The following RALGAPA2 variants were observed in gnomAD, a reference collection of about 807,000 sequenced individuals.
RALGAPA2 encodes ral GTPase-activating protein subunit alpha-2.
A neutral mutation model predicts 230.4 loss-of-function variants in RALGAPA2; 139 were observed. The observed-to-expected ratio is 0.60, with a 90% CI of 0.53 to 0.69. The LOEUF (loss-of-function observed/expected upper bound fraction) is 0.69, where lower values mean the gene tolerates loss of function less well. Ranked by LOEUF, RALGAPA2 falls within the 30% of genes least tolerant of loss-of-function variation. RALGAPA2 has a pLI of 0.00. For missense variants in RALGAPA2, 2,163 were observed against 2,276.0 expected (o/e 0.95, Z 1.01); for synonymous variants, 847 against 837.8 (o/e 1.01, Z -0.19).
chr20:20,393,148 G>C lies in RALGAPA2; in HGVS notation c.*141C>G, dbSNP rs754698731. The stretch of plus-strand genomic sequence containing the variant: ...ACTAGTACAGCAACGAAATTTCCTG[G>C]AGATTCTGGGTTTAGTGGCTCGGGG... On this transcript the variant is annotated 3_prime_UTR_variant, in exon 40 of 40. Transcript: ENST00000202677. 2 of 1,360,880 alleles carry C rather than the reference G, an allele frequency of 1.5e-6. No individual in the cohort carries two copies. The highest frequency in any genetic ancestry group is 2.3e-5 in the South Asian group (2 of 86,406). The allele number at this position is 1,360,880 out of a possible 1,614,324, so 84.3% of individuals were successfully genotyped here.
intron 8 of RALGAPA2, among the ~76,000 whole-genome samples, chr20:20,637,148 C>A (rs532168308): frequency 6.6e-6 from 1 of 152,174 alleles, no homozygotes; most frequent in East Asian, 1.9e-4. Context: ...ATAGGAGCCA[C>A]GGTTCCCTTT....
At position 20,511,329 on chromosome 20, in the gene RALGAPA2, T is replaced by C. The variant is rs773260916; in HGVS notation, c.4857-4A>G. ...CTTCAATAGATGAAAATTCTTCCTA[T>C]AAAGAAAAAAGGATGGAAGAAAAAC... is the stretch of plus-strand genomic sequence containing the variant. On this transcript the variant is annotated splice_region_variant and splice_polypyrimidine_tract_variant and intron_variant, in intron 32 of 39. Coordinates refer to ENST00000202677, the MANE Select transcript of RALGAPA2 (RefSeq NM_020343.4). The C allele has an allele frequency of 2.6e-6, 4 of 1,542,962 alleles. No homozygotes were observed. The highest frequency in any genetic ancestry group is 3.5e-6 in the Non-Finnish European group (4 of 1,145,908).
chr20:20,653,446 T>G lies in RALGAPA2; in HGVS notation c.328+84A>C, dbSNP rs554897673. Reference sequence around the variant, plus strand: ...TTAATATTCCTTTCTATAAGCTATCTTGATGATATCAATTATATAAAACAT... The same window carrying G: ...TTAATATTCCTTTCTATAAGCTATCGTGATGATATCAATTATATAAAACAT... On this transcript the variant is annotated intron_variant, in intron 4 of 39. Transcript: ENST00000202677. 4.8e-5 allele frequency: 38 copies of G among 785,758 alleles called. No homozygotes were observed. The South Asian group carries it at 5.6e-4, about 12-fold the overall frequency. The allele number at this position is 785,758 out of a possible 1,614,324, so 48.7% of individuals were successfully genotyped here. A position where few individuals can be genotyped will look rare whatever the true frequency, so the allele number is the denominator to read the frequency against.
chr20:20,639,936 A>G (rs2066977780), intron 6 of RALGAPA2, 36 bp from the exon 7 acceptor site: 4 of 1,471,098 alleles, frequency 2.7e-6, no homozygotes, highest in South Asian at 2.3e-5. Flanking sequence ...CTCATTCACC[A>G]AAGTTAAATT....
rs1162525656 is a variant in RALGAPA2 at position 20,535,813 on chromosome 20, C to A, written c.3415-10G>T. On this transcript the variant is annotated splice_polypyrimidine_tract_variant and intron_variant, in intron 25 of 39. Coordinates refer to ENST00000202677, the MANE Select transcript of RALGAPA2 (RefSeq NM_020343.4). ...TATTTATGAGGTAATGCTAAAAACACAAAATTAAGTAAAATAAAAACTTTG... is the reference window on the plus strand; with the variant it reads ...TATTTATGAGGTAATGCTAAAAACAAAAAATTAAGTAAAATAAAAACTTTG... 1 of 1,542,936 alleles carries A rather than the reference C, an allele frequency of 6.5e-7. No individual in the cohort carries two copies. The highest frequency in any genetic ancestry group is 1.4e-5 in the African/African-American group (1 of 72,732).
At chr20:20,606,902 T>C (rs912490646) in intron 14 of RALGAPA2, among the ~76,000 whole-genome samples, 1 of 152,184 alleles carries the variant, frequency 6.6e-6, no homozygotes, top group African/African-American at 2.4e-5. Context: ...AATCCAAATA[T>C]ATCTTCCCTG....
intron 37 of RALGAPA2, among the ~76,000 whole-genome samples, chr20:20,431,588 A>G (rs1302482837): frequency 6.6e-6 from 1 of 152,226 alleles, no homozygotes; most frequent in Non-Finnish European, 1.5e-5. Flanking sequence ...AATTACTCTA[A>G]AATTATCCTT....
intron 4 of RALGAPA2, among the ~76,000 whole-genome samples, chr20:20,646,317 C>T (rs751797320): frequency 9.2e-5 from 14 of 152,208 alleles, no homozygotes; most frequent in Non-Finnish European, 1.9e-4. Flanking sequence ...AGCCAATGCG[C>T]CCAGCCCTCT....
chr20:20,469,480 C>T (rs889202150), intron 37 of RALGAPA2, among the ~76,000 whole-genome samples: 2 of 152,162 alleles, frequency 1.3e-5, no homozygotes, highest in African/African-American at 4.8e-5. Context: ...GAATGAGATA[C>T]AAAATTATTT....
At chr20:20,691,586 G>A (rs2068909358) in intron 1 of RALGAPA2, among the ~76,000 whole-genome samples, 1 of 152,028 alleles carries the variant, frequency 6.6e-6, no homozygotes, top group South Asian at 2.1e-4. Flanking sequence ...GTCCAATCAG[G>A]CTTTGACACC....
intron 37 of RALGAPA2, among the ~76,000 whole-genome samples, chr20:20,452,195 A>C (rs1348203823): frequency 6.6e-6 from 1 of 152,254 alleles, no homozygotes; most frequent in Non-Finnish European, 1.5e-5. Context: ...ATAGAAATTT[A>C]AAATAACTTC....
At chr20:20,412,459 C>G (rs999459388) in intron 37 of RALGAPA2, among the ~76,000 whole-genome samples, 1 of 152,210 alleles carries the variant, frequency 6.6e-6, no homozygotes, top group Non-Finnish European at 1.5e-5. Flanking sequence ...ATACTGATTG[C>G]AATAGCATCT....
intron 36 of RALGAPA2, among the ~76,000 whole-genome samples, chr20:20,486,666 A>G (rs2061920209): frequency 6.6e-6 from 1 of 152,180 alleles, no homozygotes; most frequent in Non-Finnish European, 1.5e-5. Flanking sequence ...ACAATTTCCA[A>G]TATTTCTTCT....
intron 37 of RALGAPA2, among the ~76,000 whole-genome samples, chr20:20,439,018 A>C (rs1386203642): frequency 2.0e-5 from 3 of 152,212 alleles, no homozygotes; most frequent in African/African-American, 7.2e-5. Context: ...TGTCTCTAGC[A>C]GGCCCTGTAC....
chr20:20,683,207 G>A (rs905254412), intron 1 of RALGAPA2, among the ~76,000 whole-genome samples: 4 of 152,152 alleles, frequency 2.6e-5, no homozygotes, highest in Non-Finnish European at 4.4e-5. Context: ...TGCTCTCCAC[G>A]GCCCTGCCTG....
chr20:20,652,373 A>G (rs1269869495), intron 4 of RALGAPA2, among the ~76,000 whole-genome samples: 1 of 152,136 alleles, frequency 6.6e-6, no homozygotes, highest in Non-Finnish European at 1.5e-5. Context: ...TCTGAACAGA[A>G]TTATTCAACT....
rs553171352 is a variant in RALGAPA2 at position 20,519,775 on chromosome 20, G to A, written c.4084+1142C>T. Among the ~76,000 whole-genome samples, 74 of 152,288 alleles carry A rather than the reference G, an allele frequency of 4.9e-4. 1 individual carries two copies. In the Middle Eastern group the frequency reaches 0.01, roughly 21 times the overall value. ...CCCTCACTCTGCTGTCCTTAAGGATGTTTCTGCCCACAAGGTTCTAGTCTT... is the reference window on the plus strand; with the variant it reads ...CCCTCACTCTGCTGTCCTTAAGGATATTTCTGCCCACAAGGTTCTAGTCTT... On this transcript the variant is annotated intron_variant, in intron 31 of 39. Transcript: ENST00000202677.
chr20:20,525,362 C>T (rs1225519321), intron 28 of RALGAPA2, among the ~76,000 whole-genome samples: 2 of 152,136 alleles, frequency 1.3e-5, no homozygotes, highest in Non-Finnish European at 2.9e-5. Flanking sequence ...ACCCCAAAAC[C>T]CTACTTTCCA....
Position 20,605,217 on chromosome 20 carries a change from C to T in RALGAPA2, c.1996G>A (p.Asp666Asn). The T allele has an allele frequency of 6.2e-7, 1 of 1,613,540 alleles. No homozygotes were observed. The highest frequency in any genetic ancestry group is 8.5e-7 in the Non-Finnish European group (1 of 1,179,618). ...YGVEMTNLPL[D>N]KLSEQKEKKQ... ...TTTTCCTTTTGTTCACTTAATTTAT[C>T]CAGAGGTAGGTTTGTCATCTCAACT... Residue 666 changes from aspartate to asparagine, a missense_variant, in exon 15 of 40, where the codon GAT becomes AAT. Transcript: ENST00000202677.
Sources: gnomAD v4.1 joint callset for allele counts (sites outside exome capture counted in the v4.1 genomes callset) on GRCh38, gnomAD v4.1.1 for gene constraint, MANE v1.5 for transcripts, NCBI Gene and HGNC (gene_info 2026-07-23, HGNC 2026-07-21) for gene names.